Variants in MEAK7 observed in about 807,000 individuals in gnomAD.
MEAK7 encodes the protein MTOR-associated protein MEAK7.
MEAK7 carries 68 observed loss-of-function variants against 40.5 expected under a neutral mutation model. That is an observed-to-expected ratio of 1.68 (90% confidence interval 1.38 to 2.06). The LOEUF (loss-of-function observed/expected upper bound fraction) is 2.06, where lower values mean the gene tolerates loss of function less well. Ranked by LOEUF, MEAK7 falls within the 30% of genes most tolerant of loss-of-function variation. The probability of loss-of-function intolerance (pLI) is 0.00; values close to 1 mark genes in which losing one functional copy is unlikely to be tolerated. For missense variants in MEAK7, 918 were observed against 580.5 expected, an observed-to-expected ratio of 1.58 and a Z score of -5.98; for synonymous variants, 338 against 231.9, an observed-to-expected ratio of 1.46 and a Z score of -4.16.
intron 1 of MEAK7, 64 bp downstream of exon 1, chr16:84,504,537 C>G: frequency 1.0e-6 from 1 of 955,844 alleles, no homozygotes; most frequent in Non-Finnish European, 1.2e-6. Context: ...TGCTCCAGTC[C>G]CCCGACTCAG....
intron 7 of MEAK7, 21 bp downstream of exon 7, chr16:84,480,508 G>A: frequency 6.3e-7 from 1 of 1,582,498 alleles, no homozygotes; most frequent in Non-Finnish European, 8.6e-7. Context: ...ATCCTGGGAT[G>A]CAGAGGACAG....
intron 3 of MEAK7, among the ~76,000 whole-genome samples, chr16:84,491,755 G>A (rs536550288): frequency 6.7e-6 from 1 of 150,136 alleles, no homozygotes; most frequent in East Asian, 2.0e-4. Context: ...GGAGAATGAC[G>A]TGAACCCAGG....
intron 3 of MEAK7, 58 bp from the exon 4 acceptor site, chr16:84,489,480 C>T (rs1913385919): frequency 3.9e-6 from 6 of 1,520,140 alleles, no homozygotes; most frequent in Non-Finnish European, 5.3e-6. Flanking sequence ...AGACCTATGT[C>T]ATGCCCACAT....
chr16:84,502,107 G>A (rs1164092863), intron 1 of MEAK7, among the ~76,000 whole-genome samples: 3 of 151,858 alleles, frequency 2.0e-5, no homozygotes, highest in African/African-American at 7.3e-5. Context: ...TCATGCCATT[G>A]CACTCCAGCC....
At chr16:84,488,785 G>A (rs896399739) in intron 4 of MEAK7, among the ~76,000 whole-genome samples, 17 of 152,302 alleles carry the variant, frequency 1.1e-4, no homozygotes, top group African/African-American at 2.4e-4. Flanking sequence ...GGCATGCAGC[G>A]AAGGCAGTGC....
intron 1 of MEAK7, 27 bp from the exon 2 acceptor site, chr16:84,498,138 G>A (rs776320721): frequency 6.5e-7 from 1 of 1,532,510 alleles, no homozygotes; most frequent in Non-Finnish European, 8.7e-7. Flanking sequence ...CACAACATTA[G>A]AAAAATCAAA....
At chr16:84,498,190 C>G (rs1465714134) in intron 1 of MEAK7, 79 bp from the exon 2 acceptor site, 2 of 1,477,164 alleles carry the variant, frequency 1.4e-6, no homozygotes, top group East Asian at 2.3e-5. Flanking sequence ...ATTATATGGT[C>G]AAGTTAATAT....
At chr16:84,493,058 G>T (rs1913757132) in intron 3 of MEAK7, among the ~76,000 whole-genome samples, 3 of 152,118 alleles carry the variant, frequency 2.0e-5, no homozygotes, top group Admixed American at 2.0e-4. Context: ...AATATGAAAT[G>T]GTGTTTAACC....
intron 1 of MEAK7, among the ~76,000 whole-genome samples, chr16:84,502,275 G>A (rs1473638920): frequency 6.6e-6 from 1 of 152,164 alleles, no homozygotes; most frequent in Non-Finnish European, 1.5e-5. Context: ...AAAGTGTGTG[G>A]TTGCCACAAC....
intron 1 of MEAK7, chr16:84,502,879 C>G (rs948863808): frequency 8.5e-5 from 13 of 152,282 alleles, no homozygotes; most frequent in African/African-American, 2.6e-4. Flanking sequence ...CATAAAAACA[C>G]AAACAAAAGT....
chr16:84,482,815 C>A, intron 5 of MEAK7, 105 bp from the exon 6 acceptor site: 1 of 1,507,760 alleles, frequency 6.6e-7, no homozygotes, highest in South Asian at 1.3e-5. Flanking sequence ...AGGGCCAAGA[C>A]CCTTCTCACC....
At chr16:84,491,500 C>A (rs902466584) in intron 3 of MEAK7, among the ~76,000 whole-genome samples, 6 of 149,788 alleles carry the variant, frequency 4.0e-5, no homozygotes, top group African/African-American at 1.5e-4. Context: ...GGTTGTGCCA[C>A]TGCACTCCAG....
chr16:84,482,957 G>C (rs114131774), intron 5 of MEAK7, among the ~76,000 whole-genome samples: 1 of 152,210 alleles, frequency 6.6e-6, no homozygotes, highest in African/African-American at 2.4e-5. Flanking sequence ...CAGGGGAGCA[G>C]AGATCAGAAC....
chr16:84,496,043 T>C, intron 2 of MEAK7, 130 bp from the exon 3 acceptor site: 3 of 909,226 alleles, frequency 3.3e-6, no homozygotes, highest in Non-Finnish European at 4.9e-6. Context: ...AAAGCATCTC[T>C]GAAAAAGTTT....
intron 1 of MEAK7, among the ~76,000 whole-genome samples, chr16:84,503,436 C>G (rs1182473953): frequency 2.0e-5 from 3 of 152,170 alleles, no homozygotes; most frequent in Non-Finnish European, 4.4e-5. Flanking sequence ...ACCCTGCTTC[C>G]TGGCTTCCCA....
chr16:84,497,420 C>T lies in MEAK7; in HGVS notation c.153+514G>A, dbSNP rs1045219598. On this transcript the variant is annotated intron_variant, in intron 2 of 7. Transcript: ENST00000343629. ...AATTCCTAGCCATCAAACACATACACATTCTAGAGGCAACGGTGCACCTGA... is the reference window on the plus strand; with the variant it reads ...AATTCCTAGCCATCAAACACATACATATTCTAGAGGCAACGGTGCACCTGA... 5.4e-6 allele frequency: 7 copies of T among 1,286,988 alleles called. No homozygotes were observed. In the African/African-American group the frequency reaches 9.1e-5, roughly 17 times the overall value. 79.7% of individuals were successfully genotyped at this position (1,286,988 alleles called of 1,614,324 possible).
At chr16:84,489,483 G>A in intron 3 of MEAK7, 61 bp from the exon 4 acceptor site, 2 of 1,514,030 alleles carry the variant, frequency 1.3e-6, no homozygotes, top group Non-Finnish European at 1.8e-6. Context: ...CCTATGTCAT[G>A]CCCACATGGA....
chr16:84,479,874 G>C lies in MEAK7; in HGVS notation c.*39C>G. Reference sequence around the variant, plus strand: ...TGCAGGCGTTGCCCTCTACCCAGAGGAATCCAGGTCCTGGCTCCAGGAAGG... The same window carrying C: ...TGCAGGCGTTGCCCTCTACCCAGAGCAATCCAGGTCCTGGCTCCAGGAAGG... On this transcript the variant is annotated 3_prime_UTR_variant, in exon 8 of 8. Transcript: ENST00000343629. The C allele has an allele frequency of 1.3e-6, 2 of 1,526,318 alleles. No individual in the cohort carries two copies. The highest frequency in any genetic ancestry group is 1.8e-6 in the Non-Finnish European group (2 of 1,116,708). 94.5% of individuals were successfully genotyped at this position (1,526,318 alleles called of 1,614,324 possible).
chr16:84,491,506 T>C (rs1913599245), intron 3 of MEAK7, among the ~76,000 whole-genome samples: 2 of 134,938 alleles, frequency 1.5e-5, no homozygotes, highest in African/African-American at 5.5e-5. Context: ...GCCACTGCAC[T>C]CCAGACTGGG....
Sources: gnomAD v4.1 joint callset for allele counts (sites outside exome capture counted in the v4.1 genomes callset) on GRCh38, gnomAD v4.1.1 for gene constraint, MANE v1.5 for transcripts, NCBI Gene and HGNC (gene_info 2026-07-23, HGNC 2026-07-21) for gene names.